ADAMTS20: variants seen among roughly 807,000 people sequenced by gnomAD.
ADAMTS20 encodes ADAM metallopeptidase with thrombospondin type 1 motif 20.
ADAMTS20 carries 225 observed loss-of-function variants against 260.1 expected under a neutral mutation model. The observed-to-expected ratio is 0.87, with a 90% CI of 0.78 to 0.97. ADAMTS20 has a LOEUF of 0.97. Ranked by LOEUF, ADAMTS20 falls within the 50% of genes least tolerant of loss-of-function variation. ADAMTS20 has a pLI of 0.00. For missense variants in ADAMTS20, 2,400 were observed against 2,337.7 expected, an observed-to-expected ratio of 1.03 and a Z score of -0.55; for synonymous variants, 802 against 769.5, an observed-to-expected ratio of 1.04 and a Z score of -0.70.
chr12:43,416,529 T>A lies in ADAMTS20; in HGVS notation c.4284+8985A>T. On this transcript the variant is annotated intron_variant, in intron 28 of 38. Coordinates refer to ENST00000389420, the MANE Select transcript of ADAMTS20 (RefSeq NM_025003.5). ...TACAAACAAGTCAAACTGACCTTTT[T>A]TTTTTTTTTTTTGAGACGGAGTCTC... Among the ~76,000 whole-genome samples, 2 of 150,374 alleles carry A rather than the reference T, an allele frequency of 1.3e-5. 1 individual carries two copies. Among genetic ancestry groups the A allele is most frequent in the Non-Finnish European group, 3.0e-5 (2 of 67,458 alleles).
Position 43,383,804 on chromosome 12 carries a change from A to T in ADAMTS20, c.4626T>A (p.Asn1542Lys). Reference protein sequence around the residue: ...QHKGMERGRLNCSTSCERKDS... With the variant: ...QHKGMERGRLKCSTSCERKDS... ...TGAAAATTTACATGTCGATACTCAC[A>T]TTCAGCCTCCCTCTTTCCATCCCCT... The change falls in exon 30 of 39, where the codon AAT (asparagine) becomes AAA (lysine). Residue 1542 changes from asparagine to lysine, a missense_variant and splice_region_variant. Transcript: ENST00000389420. 1.9e-6 allele frequency: 3 copies of T among 1,613,792 alleles called. No individual in the cohort carries two copies. Among genetic ancestry groups the T allele is most frequent in the Non-Finnish European group, 2.5e-6 (3 of 1,179,762 alleles).
At chr12:43,400,000 A>AT (rs1186323906) in intron 28 of ADAMTS20, among the ~76,000 whole-genome samples, 1 of 151,686 alleles carries the variant, frequency 6.6e-6, no homozygotes, top group Non-Finnish European at 1.5e-5. Flanking sequence ...CCAAGTCTTG[A>AT]TTTTTTTTCA....
At chr12:43,526,282 C>T (rs12315303) in intron 3 of ADAMTS20, among the ~76,000 whole-genome samples, 2,282 of 152,160 alleles carry the variant, frequency 0.015, 52 homozygotes, top group African/African-American at 0.051. Context: ...AGTGAAACCC[C>T]GTCTGTACTA....
At chr12:43,504,041 T>C (rs1182125099) in intron 3 of ADAMTS20, among the ~76,000 whole-genome samples, 2 of 152,146 alleles carry the variant, frequency 1.3e-5, no homozygotes, top group Admixed American at 6.6e-5. Context: ...CATGTGTCTT[T>C]ATAGAACAAT....
intron 29 of ADAMTS20, among the ~76,000 whole-genome samples, chr12:43,393,934 TA>T (rs1354754495): frequency 6.6e-6 from 1 of 152,116 alleles, no homozygotes. Flanking sequence ...TCTGCAATAT[TA>T]GCAAATATTC....
rs1433688668 is a variant in ADAMTS20 at position 43,376,632 on chromosome 12, C to G, written c.5017G>C (p.Gly1673Arg). Residue 1673 changes from glycine to arginine, a missense_variant, in exon 33 of 39, where the codon GGG becomes CGG. Coordinates refer to ENST00000389420, the MANE Select transcript of ADAMTS20 (RefSeq NM_025003.5). ...WSKCSVTCGI[G>R]IMKRQVKCIT... The stretch of plus-strand genomic sequence containing the variant: ...CATTTCACTTGTCTCTTCATTATCC[C>G]AATTCCACAAGTCACTGAGCACTGT... 6.2e-7 allele frequency: 1 copy of G among 1,612,606 alleles called. No homozygotes were observed. Among genetic ancestry groups the G allele is most frequent in the South Asian group, 1.1e-5 (1 of 90,700 alleles).
chr12:43,508,521 T>A (rs1942876860), intron 3 of ADAMTS20, among the ~76,000 whole-genome samples: 1 of 152,138 alleles, frequency 6.6e-6, no homozygotes, highest in African/African-American at 2.4e-5. Context: ...ATGAACAAAA[T>A]CTAGCCATAT....
At chr12:43,434,502 G>C in intron 18 of ADAMTS20, 131 bp from the exon 19 acceptor site, 2 of 759,838 alleles carry the variant, frequency 2.6e-6, no homozygotes, top group East Asian at 2.9e-5. Context: ...CAACATACAG[G>C]ATATACTAGT....
chr12:43,529,277 T>C (rs1943188382), intron 3 of ADAMTS20, among the ~76,000 whole-genome samples: 1 of 152,172 alleles, frequency 6.6e-6, no homozygotes, highest in Non-Finnish European at 1.5e-5. Flanking sequence ...GATCCACCGA[T>C]TGATCCAGCT....
At chr12:43,418,002 T>G (rs1941163233) in intron 28 of ADAMTS20, among the ~76,000 whole-genome samples, 1 of 152,222 alleles carries the variant, frequency 6.6e-6, no homozygotes, top group Non-Finnish European at 1.5e-5. Context: ...CTACAACTGC[T>G]GCTGCTGCTG....
At chr12:43,353,355 TTTAA>T (rs1397658404), downstream of ADAMTS20, among the ~76,000 whole-genome samples, 3 of 152,000 alleles carry the variant, frequency 2.0e-5, no homozygotes, top group Non-Finnish European at 4.4e-5. Flanking sequence ...TTCTCACATA[TTTAA>T]TTAATAGAAT....
intron 23 of ADAMTS20, 125 bp from the exon 24 acceptor site, chr12:43,429,849 G>T: frequency 3.3e-6 from 2 of 604,554 alleles, no homozygotes; most frequent in Non-Finnish European, 2.8e-6. Flanking sequence ...TTGGTAATAT[G>T]AATGTTTTCA....
At position 43,484,483 on chromosome 12, in the gene ADAMTS20, AC is replaced by A. The variant is rs202188026; in HGVS notation, c.1117+5911del. ...CTAAAGAGATATTTTAAATAAAAAA[AC>A]AATCAGAACTTCTGGAAATGAAAGA... is the stretch of plus-strand genomic sequence containing the variant. On this transcript the variant is annotated intron_variant, in intron 7 of 38. Transcript: ENST00000389420. Among the ~76,000 whole-genome samples, 120 of 152,306 alleles carry A rather than the reference AC, an allele frequency of 7.9e-4. No individual in the cohort carries two copies. The East Asian group carries it at 0.018, about 23-fold the overall frequency.
rs1356687318 is a variant in ADAMTS20 at position 43,501,694 on chromosome 12, T to G, written c.867+458A>C. ...GTTGCATTAGTAATAATCTATCCCT[T>G]TAACGCCATAAATACATGTATAACT... On this transcript the variant is annotated intron_variant, in intron 4 of 38. Transcript: ENST00000389420. Among the ~76,000 whole-genome samples, 4 of 152,100 alleles carry G rather than the reference T, an allele frequency of 2.6e-5. No homozygotes were observed. In the South Asian group the frequency reaches 6.2e-4, roughly 24 times the overall value.
chr12:43,381,618 C>CAAAAAAAAAAA, intron 31 of ADAMTS20, among the ~76,000 whole-genome samples: 1 of 102,752 alleles, frequency 9.7e-6, no homozygotes, highest in Non-Finnish European at 1.9e-5. Context: ...CCCATCTCTA[C>CAAAAAAAAAAA]AAAAAAAAAA....
In ADAMTS20 at chr12:43,469,518, T is replaced by C. The variant is rs554490753; in HGVS notation, c.1118-813A>G. 1.4e-4 allele frequency among the ~76,000 whole-genome samples: 22 copies of C among 152,282 alleles called. No individual in the cohort carries two copies. The South Asian group carries it at 3.7e-3, about 26-fold the overall frequency. ...CTTCACCACCAATCATGTTAGTTTT[T>C]CATTTACTTATTTTTTAGCTTAACA... On this transcript the variant is annotated intron_variant, in intron 7 of 38. Transcript: ENST00000389420.
chr12:43,492,352 C>T, intron 6 of ADAMTS20, 153 bp downstream of exon 6: 2 of 909,338 alleles, frequency 2.2e-6, no homozygotes, highest in Non-Finnish European at 3.1e-6. Context: ...TGCACTCCAC[C>T]CTGGGCGACA....
At chr12:43,413,592 AATGTGACAATC>A in intron 28 of ADAMTS20, among the ~76,000 whole-genome samples, 1 of 152,208 alleles carries the variant, frequency 6.6e-6, no homozygotes, top group Non-Finnish European at 1.5e-5. Flanking sequence ...GTCTCAAAAT[AATGTGACAATC>A]ATGTTTAAGT....
chr12:43,507,323 A>T (rs545529782), intron 3 of ADAMTS20, among the ~76,000 whole-genome samples: 1 of 152,332 alleles, frequency 6.6e-6, no homozygotes, highest in South Asian at 2.1e-4. Context: ...CATACGTGGC[A>T]TCCTATTCTG....
Sources: allele counts gnomAD v4.1 joint callset (sites outside exome capture counted in the v4.1 genomes callset), GRCh38; gene constraint gnomAD v4.1.1; transcripts MANE v1.5; gene names NCBI Gene and HGNC (gene_info 2026-07-23, HGNC 2026-07-21).